GRIA4: variants seen among roughly 807,000 people sequenced by gnomAD.
GRIA4 encodes the protein glutamate ionotropic receptor AMPA type subunit 4, also known as glutamate receptor 4.
GRIA4 carries 34 observed loss-of-function variants against 104.0 expected under a neutral mutation model. That is an observed-to-expected ratio of 0.33 (90% CI 0.25 to 0.44). GRIA4 has a LOEUF of 0.44. GRIA4 is among the 20% of genes least tolerant of loss of function. The pLI is 1.00. For missense variants in GRIA4, 750 were observed against 1,096.5 expected (o/e 0.68, Z 4.46); for synonymous variants, 386 against 381.9 (o/e 1.01, Z -0.13).
chr11:105,759,202 T>A (rs1442425114), intron 4 of GRIA4, among the ~76,000 whole-genome samples: 1 of 152,164 alleles, frequency 6.6e-6, no homozygotes, highest in East Asian at 1.9e-4. Flanking sequence ...TGTTAGTAAT[T>A]CATCCTTAAA....
In GRIA4 at chr11:105,862,143, A is replaced by C. The variant is rs1260698816; in HGVS notation, c.607A>C (p.Arg203=). 2 of 1,607,336 alleles carry C rather than the reference A, an allele frequency of 1.2e-6. No homozygotes were observed. The highest frequency in any genetic ancestry group is 3.3e-5 in the Admixed American group (2 of 59,972). ...TAGGCAACTTCTAGAAGAACTTGACAGAAGACAAGAGAAGAAGTTTGTAAT... is the reference window on the plus strand; with the variant it reads ...TAGGCAACTTCTAGAAGAACTTGACCGAAGACAAGAGAAGAAGTTTGTAAT... ...SYRQLLEELD[R]RQEKKFVIDC... The change falls in exon 5 of 17, where the codon AGA becomes CGA. Residue 203 remains arginine (R), a synonymous_variant. Coordinates refer to ENST00000282499, the MANE Select transcript of GRIA4 (RefSeq NM_000829.4).
intron 4 of GRIA4, among the ~76,000 whole-genome samples, chr11:105,800,435 A>G (rs181905886): frequency 4.9e-4 from 74 of 152,212 alleles, no homozygotes; most frequent in African/African-American, 1.7e-3. Flanking sequence ...GTGGCTGTGA[A>G]GACTCCTAAT....
intron 4 of GRIA4, among the ~76,000 whole-genome samples, chr11:105,767,914 C>T (rs1184053743): frequency 6.6e-6 from 1 of 152,172 alleles, no homozygotes; most frequent in South Asian, 2.1e-4. Context: ...GAGGACCTCT[C>T]GCTTTAATCT....
At chr11:105,817,415 A>G (rs1943421862) in intron 4 of GRIA4, among the ~76,000 whole-genome samples, 1 of 151,344 alleles carries the variant, frequency 6.6e-6, no homozygotes, top group Non-Finnish European at 1.5e-5. Context: ...CATTGATACA[A>G]CATTTGGGTG....
intron 7 of GRIA4, among the ~76,000 whole-genome samples, chr11:105,902,086 T>C (rs1226621048): frequency 6.6e-6 from 1 of 152,120 alleles, no homozygotes; most frequent in Non-Finnish European, 1.5e-5. Context: ...TCCCAATCAA[T>C]TGTGAAGGGC....
intron 3 of GRIA4, among the ~76,000 whole-genome samples, chr11:105,736,965 A>G (rs1938995238): frequency 1.3e-5 from 2 of 152,150 alleles, no homozygotes; most frequent in African/African-American, 4.8e-5. Context: ...AAGCAGTAAG[A>G]GAAAATTATT....
chr11:105,909,570 G>T (rs983323526), intron 9 of GRIA4, among the ~76,000 whole-genome samples: 7 of 152,180 alleles, frequency 4.6e-5, no homozygotes, highest in Non-Finnish European at 1.0e-4. Context: ...GACAATAACT[G>T]CCCCTACTCC....
At chr11:105,718,727 G>A (rs1485736564) in intron 3 of GRIA4, among the ~76,000 whole-genome samples, 15 of 152,102 alleles carry the variant, frequency 9.9e-5, no homozygotes, top group Non-Finnish European at 5.9e-5. Context: ...GAAGGCCAAA[G>A]TTTACTGTTA....
chr11:105,699,951 T>G (rs554458071), intron 3 of GRIA4, among the ~76,000 whole-genome samples: 11 of 152,294 alleles, frequency 7.2e-5, no homozygotes, highest in African/African-American at 2.6e-4. Flanking sequence ...ATAGGAACAC[T>G]GTCTGTTTTA....
chr11:105,689,490 A>T (rs1237941042), intron 3 of GRIA4, among the ~76,000 whole-genome samples: 1 of 152,224 alleles, frequency 6.6e-6, no homozygotes, highest in Non-Finnish European at 1.5e-5. Flanking sequence ...TAGGAAATTG[A>T]ACTGAATTAT....
intron 14 of GRIA4, among the ~76,000 whole-genome samples, chr11:105,971,453 C>G (rs1377330102): frequency 1.3e-5 from 2 of 152,098 alleles, no homozygotes; most frequent in Non-Finnish European, 2.9e-5. Context: ...TGTAGACATA[C>G]TTTTATAGCA....
Position 105,611,105 on chromosome 11 carries a change from G to A in GRIA4, c.88+20G>A. ...AAATAGGTAAGGTGTGCTCCGATGG[G>A]GTGTGCATGTGGCTGGTTGTAGCAG... On this transcript the variant is annotated intron_variant, in intron 2 of 16. Coordinates refer to ENST00000282499, the MANE Select transcript of GRIA4 (RefSeq NM_000829.4). 3 of 1,562,330 alleles carry A rather than the reference G, an allele frequency of 1.9e-6. No individual in the cohort carries two copies. Among genetic ancestry groups the A allele is most frequent in the South Asian group, 1.1e-5 (1 of 90,010 alleles).
intron 14 of GRIA4, among the ~76,000 whole-genome samples, chr11:105,961,565 T>G (rs1005168353): frequency 6.6e-6 from 1 of 152,202 alleles, no homozygotes; most frequent in Non-Finnish European, 1.5e-5. Flanking sequence ...GGACCAGAAG[T>G]GTTTTGGATT....
intron 3 of GRIA4, among the ~76,000 whole-genome samples, chr11:105,697,256 G>A (rs1325091740): frequency 6.6e-6 from 1 of 152,148 alleles, no homozygotes; most frequent in Non-Finnish European, 1.5e-5. Flanking sequence ...AAAACAGCAT[G>A]CCTTTGAAGA....
At chr11:105,849,050 G>T (rs534371196) in intron 4 of GRIA4, among the ~76,000 whole-genome samples, 1 of 152,170 alleles carries the variant, frequency 6.6e-6, no homozygotes, top group African/African-American at 2.4e-5. Flanking sequence ...ATATTAGCTG[G>T]GCATTGTGGC....
At chr11:105,836,250 C>G (rs562454436) in intron 4 of GRIA4, among the ~76,000 whole-genome samples, 1 of 152,176 alleles carries the variant, frequency 6.6e-6, no homozygotes, top group South Asian at 2.1e-4. Context: ...GTACTGGGTG[C>G]TGACTTGCTC....
intron 4 of GRIA4, among the ~76,000 whole-genome samples, chr11:105,812,908 C>T (rs1039108711): frequency 5.3e-5 from 8 of 151,584 alleles, no homozygotes; most frequent in Non-Finnish European, 1.2e-4. Context: ...GAGACCATCC[C>T]GGCTAACATG....
intron 3 of GRIA4, among the ~76,000 whole-genome samples, chr11:105,731,431 G>A (rs982795710): frequency 1.3e-5 from 2 of 152,126 alleles, no homozygotes; most frequent in Non-Finnish European, 2.9e-5. Context: ...GTTGGTGGGA[G>A]TGTAAATTAG....
At chr11:105,667,665 A>G (rs1010724861) in intron 3 of GRIA4, among the ~76,000 whole-genome samples, 1 of 151,912 alleles carries the variant, frequency 6.6e-6, no homozygotes, top group African/African-American at 2.4e-5. Flanking sequence ...TCATTTATCT[A>G]TTCTTTTTAT....
Sources: allele counts gnomAD v4.1 joint callset (sites outside exome capture counted in the v4.1 genomes callset), GRCh38; gene constraint gnomAD v4.1.1; transcripts MANE v1.5; gene names NCBI Gene and HGNC (gene_info 2026-07-23, HGNC 2026-07-21).